The following ATG13 variants were observed in gnomAD, a reference collection of about 807,000 sequenced individuals.
The protein encoded by ATG13 is autophagy-related protein 13.
ATG13 carries 23 observed loss-of-function variants against 65.5 expected under a neutral mutation model. The observed-to-expected ratio is 0.35, with a 90% CI of 0.25 to 0.50. The LOEUF is 0.50. Ranked by LOEUF, ATG13 falls within the 20% of genes least tolerant of loss-of-function variation. ATG13 has a pLI of 0.98. For synonymous variants in ATG13, 252 were observed against 245.2 expected, an observed-to-expected ratio of 1.03 and a Z score of -0.26; for missense variants, 566 against 677.0, an observed-to-expected ratio of 0.84 and a Z score of 1.82.
At position 46,672,671 on chromosome 11, in the gene ATG13, G is replaced by T. The variant is rs1000840272; in HGVS notation, c.*339G>T. On this transcript the variant is annotated 3_prime_UTR_variant, in exon 19 of 19. Transcript: ENST00000683050. ...CTGTTCCTCCTGCTGCCGGCCTCCT[G>T]CCTGGGCCTGCCTTGCAGCTGGCCC... 1 of 1,372,500 alleles carries T rather than the reference G, an allele frequency of 7.3e-7. No individual in the cohort carries two copies. The highest frequency in any genetic ancestry group is 1.5e-5 in the African/African-American group (1 of 68,596). The allele number at this position is 1,372,500 out of a possible 1,614,324, so 85.0% of individuals were successfully genotyped here.
rs1555143622 is a variant in ATG13, at chr11:46,673,305, G to C, written c.*973G>C. 1 of 153,026 alleles carries C rather than the reference G, an allele frequency of 6.5e-6. No individual in the cohort carries two copies. The highest frequency in any genetic ancestry group is 1.5e-5 in the Non-Finnish European group (1 of 68,600). 9.5% of individuals were successfully genotyped at this position (153,026 alleles called of 1,614,324 possible). A position where few individuals can be genotyped will look rare whatever the true frequency, so the allele number is the denominator to read the frequency against. ...CCACCATACAGACAGCGAGATCCAA[G>C]AAGAGGGCTGGCCGGGGGCAAAGTC... On this transcript the variant is annotated 3_prime_UTR_variant, in exon 19 of 19. Transcript: ENST00000683050.
At chr11:46,644,090 A>G (rs1380607528) in intron 2 of ATG13, among the ~76,000 whole-genome samples, 189 bp from the exon 3 acceptor site, 1 of 152,088 alleles carries the variant, frequency 6.6e-6, no homozygotes, top group Non-Finnish European at 1.5e-5. Context: ...CTCAGTGTGG[A>G]ATCTGTTTTC....
intron 2 of ATG13, among the ~76,000 whole-genome samples, chr11:46,633,434 G>A (rs980304420): frequency 9.3e-5 from 14 of 151,050 alleles, no homozygotes; most frequent in African/African-American, 3.4e-4. Context: ...TGCAACCTCC[G>A]CCCCCTGTAT....
At chr11:46,634,169 C>T (rs2053046461) in intron 2 of ATG13, among the ~76,000 whole-genome samples, 1 of 151,760 alleles carries the variant, frequency 6.6e-6, no homozygotes, top group African/African-American at 2.4e-5. Context: ...GATCTCAGCT[C>T]ACTGCAATCT....
intron 2 of ATG13, among the ~76,000 whole-genome samples, chr11:46,638,893 C>G (rs926320144): frequency 1.3e-5 from 2 of 151,960 alleles, no homozygotes; most frequent in Non-Finnish European, 2.9e-5. Context: ...CTGCAACCTC[C>G]GCCTCCCAGG....
chr11:46,673,092 C>T lies in ATG13; in HGVS notation c.*760C>T, dbSNP rs1021094324. The T allele has an allele frequency of 1.4e-4, 25 of 179,420 alleles. No homozygotes were observed. Among genetic ancestry groups the T allele is most frequent in the Non-Finnish European group, 2.2e-4 (18 of 83,102 alleles). The allele number at this position is 179,420 out of a possible 1,614,324, so 11.1% of individuals were successfully genotyped here. ...CAAAGTTCTCTTCCTCTTGTCCCCC[C>T]GTTGCTGCTCCTTGGTTATAGAACA... On this transcript the variant is annotated 3_prime_UTR_variant, in exon 19 of 19. Transcript: ENST00000683050.
chr11:46,645,541 C>T, intron 4 of ATG13, 122 bp downstream of exon 4: 1 of 825,026 alleles, frequency 1.2e-6, no homozygotes, highest in Non-Finnish European at 1.9e-6. Context: ...ATATCTAATT[C>T]CATTTGATCC....
Position 46,659,384 on chromosome 11 carries a change from C to T in ATG13, c.696-8C>T. On this transcript the variant is annotated splice_polypyrimidine_tract_variant and splice_region_variant and intron_variant, in intron 10 of 18. Coordinates refer to ENST00000683050, the MANE Select transcript of ATG13 (RefSeq NM_001346311.2). ...ATAAAATTCATTATTTCTTTCTTTT[C>T]ACTTTAGAACTGCTGGTGAGGACAC... 2 of 1,604,924 alleles carry T rather than the reference C, an allele frequency of 1.2e-6. No homozygotes were observed. Among genetic ancestry groups the T allele is most frequent in the East Asian group, 4.5e-5 (2 of 44,806 alleles).
At chr11:46,650,644 C>T (rs550323919) in intron 7 of ATG13, among the ~76,000 whole-genome samples, 1 of 152,370 alleles carries the variant, frequency 6.6e-6, no homozygotes, top group East Asian at 1.9e-4. Context: ...CTCGCTCCAT[C>T]GCCCAGGTTA....
intron 17 of ATG13, 50 bp downstream of exon 17, chr11:46,668,960 C>G (rs745658259): frequency 7.2e-7 from 1 of 1,391,570 alleles, no homozygotes; most frequent in Non-Finnish European, 1.0e-6. Flanking sequence ...GGAACTAGAC[C>G]TAGAAGCATC....
chr11:46,641,347 G>A (rs576924338), intron 2 of ATG13, among the ~76,000 whole-genome samples: 1 of 152,320 alleles, frequency 6.6e-6, no homozygotes, highest in East Asian at 1.9e-4. Context: ...TGGGATTACA[G>A]GCGTGAGCCA....
chr11:46,659,579 A>G, intron 11 of ATG13, 94 bp downstream of exon 11: 1 of 1,002,208 alleles, frequency 1.0e-6, no homozygotes, highest in Admixed American at 2.1e-5. Context: ...ATCCCTTTTA[A>G]TAGTGGTGGT....
rs114802267 is a variant in ATG13, at chr11:46,642,076, G to A, written c.-13-2203G>A. 6.3e-3 allele frequency among the ~76,000 whole-genome samples: 954 copies of A among 151,836 alleles called. 7 individuals carry two copies. Among genetic ancestry groups the A allele is most frequent in the African/African-American group, 0.021 (882 of 41,378 alleles). ...GTTGGGATTACAGGTGTGCACCACC[G>A]TGCCCGACCAAAAAAAAATTTAACG... On this transcript the variant is annotated intron_variant, in intron 2 of 18. Transcript: ENST00000683050.
intron 7 of ATG13, among the ~76,000 whole-genome samples, chr11:46,651,421 A>G (rs1032577913): frequency 6.6e-6 from 1 of 152,222 alleles, no homozygotes; most frequent in Non-Finnish European, 1.5e-5. Context: ...CTAGCAAGGC[A>G]CAGAAGTGGA....
intron 1 of ATG13, among the ~76,000 whole-genome samples, chr11:46,621,690 C>T (rs1271007894): frequency 6.6e-6 from 1 of 152,016 alleles, no homozygotes; most frequent in Non-Finnish European, 1.5e-5. Context: ...TGTGGCTTCT[C>T]CAGGCTTCTT....
intron 13 of ATG13, 101 bp from the exon 14 acceptor site, chr11:46,665,282 T>C (rs548932087): frequency 1.4e-6 from 2 of 1,437,800 alleles, no homozygotes; most frequent in East Asian, 4.6e-5. Context: ...GCAGCGTTGG[T>C]GATGGAAAAG....
chr11:46,664,505 G>A (rs993448496), intron 12 of ATG13, among the ~76,000 whole-genome samples: 1 of 152,138 alleles, frequency 6.6e-6, no homozygotes, highest in Non-Finnish European at 1.5e-5. Flanking sequence ...TGGTGACTTC[G>A]GCTACCAGTT....
At chr11:46,649,772 A>G (rs1441218694) in intron 6 of ATG13, among the ~76,000 whole-genome samples, 1 of 152,222 alleles carries the variant, frequency 6.6e-6, no homozygotes, top group Non-Finnish European at 1.5e-5. Context: ...TATTGAATAA[A>G]TGCAATTGCC....
In ATG13 at chr11:46,665,423, C is replaced by G. The variant is rs891281968; in HGVS notation, c.1040C>G (p.Pro347Arg). The G allele has an allele frequency of 6.2e-7, 1 of 1,614,160 alleles. No homozygotes were observed. The highest frequency in any genetic ancestry group is 1.3e-5 in the African/African-American group (1 of 75,046). ...PGKEGGVPLA[P>R]NQPVHGTQAD... ...AAGGAAGGTGGGGTACCCCTTGCTCCCAACCAGCCTGTCCATGGTACCCAG... is the reference window on the plus strand; with the variant it reads ...AAGGAAGGTGGGGTACCCCTTGCTCGCAACCAGCCTGTCCATGGTACCCAG... The change falls in exon 14 of 19, where the codon CCC becomes CGC. Residue 347 changes from proline to arginine, a missense_variant. Physicochemically the swap from Pro to Arg is moderately radical, Grantham distance 103 (BLOSUM62 -2). This residue lies in a region of ATG13 where 387 missense variants were observed against 409.8 expected (regional missense o/e 0.94). Coordinates refer to ENST00000683050, the MANE Select transcript of ATG13 (RefSeq NM_001346311.2).
Sources: allele counts gnomAD v4.1 joint callset (sites outside exome capture counted in the v4.1 genomes callset), GRCh38; gene constraint gnomAD v4.1.1; regional missense constraint gnomAD v4.1.1; transcripts MANE v1.5; gene names NCBI Gene and HGNC (gene_info 2026-07-23, HGNC 2026-07-21).